PAPSS1: variants seen among roughly 807,000 people sequenced by gnomAD.
PAPSS1 encodes the protein 3'-phosphoadenosine 5'-phosphosulfate synthase 1.
PAPSS1 carries 50 observed loss-of-function variants against 72.0 expected under a neutral mutation model. The observed-to-expected ratio is 0.69, with a 90% CI of 0.55 to 0.88. The LOEUF (loss-of-function observed/expected upper bound fraction) is 0.88, where lower values mean the gene tolerates loss of function less well. Among genes scored for constraint, PAPSS1 ranks in the 40% least tolerant of loss-of-function variants. The probability of loss-of-function intolerance (pLI) is 0.00; values close to 1 mark genes in which losing one functional copy is unlikely to be tolerated. For missense variants in PAPSS1, 657 were observed against 782.2 expected, an observed-to-expected ratio of 0.84 and a Z score of 1.91; for synonymous variants, 261 against 263.6, an observed-to-expected ratio of 0.99 and a Z score of 0.09.
At chr4:107,652,541 T>C (rs1009580350) in intron 9 of PAPSS1, among the ~76,000 whole-genome samples, 1 of 152,206 alleles carries the variant, frequency 6.6e-6, no homozygotes, top group African/African-American at 2.4e-5. Context: ...ACTTTTTCTG[T>C]TATTGTTTAA....
intron 5 of PAPSS1, among the ~76,000 whole-genome samples, chr4:107,674,232 G>A (rs1727576931): frequency 6.6e-6 from 1 of 152,264 alleles, no homozygotes; most frequent in East Asian, 1.9e-4. Flanking sequence ...AAAAGACACA[G>A]ACTGGCAAAT....
chr4:107,657,053 A>G, intron 6 of PAPSS1, 46 bp from the exon 7 acceptor site: 1 of 1,206,098 alleles, frequency 8.3e-7, no homozygotes, highest in Non-Finnish European at 1.2e-6. Flanking sequence ...GCATGTATAT[A>G]TGAGCAAAAG....
chr4:107,690,769 T>A (rs1722894449), intron 3 of PAPSS1, among the ~76,000 whole-genome samples: 1 of 152,178 alleles, frequency 6.6e-6, no homozygotes, highest in Admixed American at 6.5e-5. Flanking sequence ...TCAGTGCTTT[T>A]ATAGATGAGG....
At chr4:107,684,988 C>G (rs1459699336) in intron 4 of PAPSS1, among the ~76,000 whole-genome samples, 1 of 152,092 alleles carries the variant, frequency 6.6e-6, no homozygotes, top group East Asian at 1.9e-4. Context: ...TCACTGCAAG[C>G]TCTGCCTCCT....
At position 107,687,242 on chromosome 4, in the gene PAPSS1, A is replaced by T. The variant is rs1296274133; in HGVS notation, c.412-65T>A. The T allele has an allele frequency of 6.4e-6, 8 of 1,254,076 alleles. No individual in the cohort carries two copies. In the South Asian group the frequency reaches 1.5e-4, roughly 23 times the overall value. 77.7% of individuals were successfully genotyped at this position (1,254,076 alleles called of 1,614,324 possible). A position where few individuals can be genotyped will look rare whatever the true frequency, so the allele number is the denominator to read the frequency against. Reference sequence around the variant, plus strand: ...CAAACGTACTATATTAATATTAAAGATGAGTAAAAAGTGCTTCTCATCCAA... The same window carrying T: ...CAAACGTACTATATTAATATTAAAGTTGAGTAAAAAGTGCTTCTCATCCAA... On this transcript the variant is annotated intron_variant, in intron 3 of 11. Transcript: ENST00000265174.
rs568625789 is a variant in PAPSS1, at chr4:107,614,437, AT to A, written c.1737-51del. The stretch of plus-strand genomic sequence containing the variant: ...TTATTTCATAATTTTAGAAACTTAG[AT>A]TTTTAAAAAGCATTTGTTCCTTCTG... On this transcript the variant is annotated intron_variant, in intron 11 of 11. Coordinates refer to ENST00000265174, the MANE Select transcript of PAPSS1 (RefSeq NM_005443.5). The A allele has an allele frequency of 2.4e-4, 345 of 1,461,348 alleles. 2 individuals carry two copies. In the South Asian group the frequency reaches 3.9e-3, roughly 17 times the overall value. The allele number at this position is 1,461,348 out of a possible 1,614,324, so 90.5% of individuals were successfully genotyped here.
rs556279035 is a variant in PAPSS1 at position 107,615,097 on chromosome 4, T to C, written c.1737-710A>G. ...AAGAGTAAAATTGAATTTTTTTTCT[T>C]CTGGAACAGCAAGTAGCAATAATCA... On this transcript the variant is annotated intron_variant, in intron 11 of 11. Coordinates refer to ENST00000265174, the MANE Select transcript of PAPSS1 (RefSeq NM_005443.5). Among the ~76,000 whole-genome samples the C allele has an allele frequency of 2.6e-3, 393 of 151,744 alleles. 2 individuals are homozygous for C. Among genetic ancestry groups the C allele is most frequent in the Non-Finnish European group, 3.4e-3 (228 of 67,934 alleles).
intron 1 of PAPSS1, chr4:107,719,702 G>T: frequency 1.5e-6 from 1 of 671,910 alleles, no homozygotes; most frequent in Non-Finnish European, 1.9e-6. Flanking sequence ...CGTCGAAGGC[G>T]CCCGCCTCCG....
chr4:107,677,788 A>C (rs574361976), intron 5 of PAPSS1, among the ~76,000 whole-genome samples: 1 of 152,316 alleles, frequency 6.6e-6, no homozygotes, highest in East Asian at 1.9e-4. Flanking sequence ...AACCAACCCA[A>C]ATGTCCAACA....
intron 2 of PAPSS1, among the ~76,000 whole-genome samples, chr4:107,698,751 A>T (rs941241120): frequency 6.6e-6 from 1 of 152,148 alleles, no homozygotes; most frequent in Non-Finnish European, 1.5e-5. Flanking sequence ...GGGCCCCACA[A>T]CATTGTGAGT....
intron 5 of PAPSS1, 42 bp downstream of exon 5, chr4:107,681,973 T>C (rs759120437): frequency 4.3e-6 from 4 of 937,922 alleles, no homozygotes; most frequent in Non-Finnish European, 6.8e-6. Context: ...ATGAGAGAGA[T>C]ATAATTTTTC....
At chr4:107,618,567 T>C (rs1032971324) in intron 11 of PAPSS1, among the ~76,000 whole-genome samples, 1 of 151,242 alleles carries the variant, frequency 6.6e-6, no homozygotes, top group African/African-American at 2.4e-5. Flanking sequence ...TCAGGAGTGA[T>C]GAAAAGAGGA....
At position 107,657,019 on chromosome 4, in the gene PAPSS1, G is replaced by GA. The variant is rs1447417327; in HGVS notation, c.784-13dup. The GA allele has an allele frequency of 6.3e-7, 1 of 1,587,808 alleles. No homozygotes were observed. Among genetic ancestry groups the GA allele is most frequent in the African/African-American group, 1.3e-5 (1 of 74,400 alleles). On this transcript the variant is annotated splice_polypyrimidine_tract_variant and intron_variant, in intron 6 of 11. Transcript: ENST00000265174. ...CACTGCATATCCACCTAGTAAATTT[G>GA]AAAGTAAAGCAAAATTTTCTATTGC...
intron 1 of PAPSS1, among the ~76,000 whole-genome samples, chr4:107,709,469 A>C (rs1174953135): frequency 2.6e-5 from 4 of 152,200 alleles, no homozygotes; most frequent in Non-Finnish European, 5.9e-5. Context: ...CCATCTTTTA[A>C]AGCTAATAAA....
intron 9 of PAPSS1, among the ~76,000 whole-genome samples, chr4:107,648,724 A>G (rs1465044440): frequency 6.6e-6 from 1 of 152,196 alleles, no homozygotes; most frequent in Non-Finnish European, 1.5e-5. Flanking sequence ...TAGCAGCTAA[A>G]CAAGACAATG....
intron 6 of PAPSS1, among the ~76,000 whole-genome samples, chr4:107,658,239 A>G (rs1317368676): frequency 6.9e-6 from 1 of 144,880 alleles, no homozygotes; most frequent in African/African-American, 2.5e-5. Flanking sequence ...ACTGTATTCT[A>G]AAAAAAAAAG....
At chr4:107,675,074 A>G (rs2726147) in intron 5 of PAPSS1, among the ~76,000 whole-genome samples, 148,957 of 152,230 alleles carry the variant, frequency 0.98, 72,899 homozygotes, top group East Asian at 1. Flanking sequence ...GCCCACAAGG[A>G]AAAGCAGGAA....
intron 11 of PAPSS1, among the ~76,000 whole-genome samples, chr4:107,621,967 C>A (rs993758405): frequency 1.3e-5 from 2 of 151,992 alleles, no homozygotes; most frequent in African/African-American, 4.8e-5. Flanking sequence ...ATGGCTGGGA[C>A]CTATTTTTCT....
At chr4:107,693,640 CAA>C (rs1722997235) in intron 3 of PAPSS1, 129 bp downstream of exon 3, 2 of 644,262 alleles carry the variant, frequency 3.1e-6, no homozygotes, top group African/African-American at 1.8e-5. Flanking sequence ...GTTACAGGAA[CAA>C]AGAGATGGTA....
Sources: gnomAD v4.1 joint callset for allele counts (sites outside exome capture counted in the v4.1 genomes callset) on GRCh38, gnomAD v4.1.1 for gene constraint, MANE v1.5 for transcripts, NCBI Gene and HGNC (gene_info 2026-07-23, HGNC 2026-07-21) for gene names.